Variants in MIPEP observed in about 807,000 individuals in gnomAD.
The protein encoded by MIPEP is mitochondrial intermediate peptidase.
MIPEP carries 79 observed loss-of-function variants against 90.3 expected under a neutral mutation model. That is an observed-to-expected ratio of 0.87 (90% CI 0.73 to 1.05). The LOEUF (loss-of-function observed/expected upper bound fraction) is 1.05, where lower values mean the gene tolerates loss of function less well. MIPEP is among the 50% of genes least tolerant of loss of function. MIPEP has a pLI of 0.00. For synonymous variants in MIPEP, 334 were observed against 315.8 expected (o/e 1.06, Z -0.61); for missense variants, 940 against 905.6 (o/e 1.04, Z -0.49).
At chr13:23,835,742 T>C (rs1395839566) in intron 14 of MIPEP, among the ~76,000 whole-genome samples, 1 of 152,198 alleles carries the variant, frequency 6.6e-6, no homozygotes, top group Non-Finnish European at 1.5e-5. Context: ...GAATGCATCA[T>C]TGAAATTTAA....
At chr13:23,814,479 T>A (rs912768866) in intron 14 of MIPEP, among the ~76,000 whole-genome samples, 12 of 151,914 alleles carry the variant, frequency 7.9e-5, no homozygotes, top group South Asian at 4.1e-4. Context: ...ACCAGGATGG[T>A]CTCGATCTCC....
chr13:23,758,591 T>C (rs1487616930), intron 17 of MIPEP, among the ~76,000 whole-genome samples: 2 of 152,212 alleles, frequency 1.3e-5, no homozygotes, highest in East Asian at 1.9e-4. Flanking sequence ...GATTTACTGA[T>C]GTCAAGTTTG....
At chr13:23,794,571 A>G (rs1952935950) in intron 16 of MIPEP, among the ~76,000 whole-genome samples, 1 of 152,236 alleles carries the variant, frequency 6.6e-6, no homozygotes, top group South Asian at 2.1e-4. Flanking sequence ...TGCATCATTT[A>G]AGATACAAAA....
intron 16 of MIPEP, among the ~76,000 whole-genome samples, chr13:23,797,317 T>C (rs916787699): frequency 6.6e-6 from 1 of 152,180 alleles, no homozygotes; most frequent in Admixed American, 6.5e-5. Context: ...CTCTGTCTCC[T>C]GGGCTGTGGA....
At chr13:23,761,800 T>C (rs1952547639) in intron 16 of MIPEP, among the ~76,000 whole-genome samples, 1 of 152,218 alleles carries the variant, frequency 6.6e-6, no homozygotes, top group Admixed American at 6.5e-5. Flanking sequence ...CTTTCTTCTG[T>C]CTTTATCTGA....
At chr13:23,811,626 T>C (rs1359700521) in intron 14 of MIPEP, among the ~76,000 whole-genome samples, 1 of 152,244 alleles carries the variant, frequency 6.6e-6, no homozygotes, top group East Asian at 1.9e-4. Flanking sequence ...CCAGAGGCTA[T>C]AAGACTTGTA....
At chr13:23,812,255 T>C (rs1212303033) in intron 14 of MIPEP, among the ~76,000 whole-genome samples, 1 of 151,972 alleles carries the variant, frequency 6.6e-6, no homozygotes, top group Non-Finnish European at 1.5e-5. Context: ...AAAGGCTTGA[T>C]GGATGTAGGA....
At chr13:23,768,272 T>C (rs561587248) in intron 16 of MIPEP, among the ~76,000 whole-genome samples, 1 of 152,252 alleles carries the variant, frequency 6.6e-6, no homozygotes, top group African/African-American at 2.4e-5. Flanking sequence ...CTGATGTCTA[T>C]GCCACATTCA....
At chr13:23,755,584 T>G (rs917875362) in intron 18 of MIPEP, among the ~76,000 whole-genome samples, 1 of 152,236 alleles carries the variant, frequency 6.6e-6, no homozygotes, top group Non-Finnish European at 1.5e-5. Flanking sequence ...CAAGCTCAGC[T>G]GCAAATATAA....
At chr13:23,855,356 A>G (rs1490583347) in intron 10 of MIPEP, among the ~76,000 whole-genome samples, 1 of 152,172 alleles carries the variant, frequency 6.6e-6, no homozygotes, top group African/African-American at 2.4e-5. Flanking sequence ...TCCTGCTTCT[A>G]AACAGGTTCT....
chr13:23,809,807 G>A (rs1307600347), intron 15 of MIPEP, 43 bp downstream of exon 15: 3 of 1,196,532 alleles, frequency 2.5e-6, no homozygotes, highest in Non-Finnish European at 3.7e-6. Context: ...ATTTATTTGG[G>A]ATAATGACTC....
intron 14 of MIPEP, among the ~76,000 whole-genome samples, chr13:23,830,291 T>G (rs1054383773): frequency 4.6e-5 from 7 of 152,180 alleles, no homozygotes; most frequent in African/African-American, 1.7e-4. Flanking sequence ...AGGCATAAAA[T>G]ATATATTTTT....
At position 23,886,360 on chromosome 13, in the gene MIPEP, C is replaced by T. The variant is rs1324983136; in HGVS notation, c.336G>A (p.Ser112=). 14 of 1,593,236 alleles carry T rather than the reference C, an allele frequency of 8.8e-6. No individual in the cohort carries two copies. Among genetic ancestry groups the T allele is most frequent in the Admixed American group, 1.7e-5 (1 of 57,588 alleles). ...PQTVLIFDEL[S]DSLCRVADLA... ...AGTCGGCCACTCTGCATAAGGAATCCGAGAGCTCATCGAAGATCAGCACGG... is the reference window on the plus strand; with the variant it reads ...AGTCGGCCACTCTGCATAAGGAATCTGAGAGCTCATCGAAGATCAGCACGG... Residue 112 remains serine, a synonymous_variant, in exon 2 of 19, where the codon TCG becomes TCA. Transcript: ENST00000382172.
At chr13:23,743,684 TTTCA>T (rs1287797240) in intron 18 of MIPEP, among the ~76,000 whole-genome samples, 2 of 152,350 alleles carry the variant, frequency 1.3e-5, no homozygotes, top group African/African-American at 4.8e-5. Flanking sequence ...TTTATTTTAA[TTTCA>T]TTGTCAGATT....
chr13:23,815,805 A>G (rs1953227067), intron 14 of MIPEP, among the ~76,000 whole-genome samples: 1 of 152,236 alleles, frequency 6.6e-6, no homozygotes, highest in Non-Finnish European at 1.5e-5. Flanking sequence ...AATATCTGCC[A>G]TAAAACTTGG....
chr13:23,883,867 T>C (rs1320526654), intron 2 of MIPEP, among the ~76,000 whole-genome samples: 2 of 152,112 alleles, frequency 1.3e-5, no homozygotes, highest in Non-Finnish European at 2.9e-5. Context: ...CAAAGACACA[T>C]TTCCTATGCA....
intron 14 of MIPEP, among the ~76,000 whole-genome samples, chr13:23,811,288 A>C (rs1337737680): frequency 6.6e-6 from 1 of 152,248 alleles, no homozygotes; most frequent in African/African-American, 2.4e-5. Flanking sequence ...AATGACACTG[A>C]AACCACCTTT....
intron 16 of MIPEP, among the ~76,000 whole-genome samples, chr13:23,804,694 T>A (rs887455512): frequency 6.6e-6 from 1 of 152,236 alleles, no homozygotes; most frequent in African/African-American, 2.4e-5. Context: ...GTTGCTTCAC[T>A]TGTCTGGTAA....
intron 14 of MIPEP, among the ~76,000 whole-genome samples, chr13:23,815,528 C>T (rs112256070): frequency 1.3e-5 from 2 of 152,052 alleles, no homozygotes; most frequent in Non-Finnish European, 2.9e-5. Context: ...GGGCTGGTCT[C>T]GAACTCCTGA....
Sources: gnomAD v4.1 joint callset for allele counts (sites outside exome capture counted in the v4.1 genomes callset) on GRCh38, gnomAD v4.1.1 for gene constraint, MANE v1.5 for transcripts, NCBI Gene and HGNC (gene_info 2026-07-23, HGNC 2026-07-21) for gene names.